The following IFT74 variants were observed in gnomAD, a reference collection of about 807,000 sequenced individuals.
IFT74 encodes intraflagellar transport protein 74 homolog.
In IFT74, 92 loss-of-function variants were observed where a neutral mutation model predicts 96.7. The ratio of observed to expected loss-of-function variants is 0.95; its 90% CI spans 0.80 to 1.13. The LOEUF is 1.13. IFT74 is among the 50% of genes most tolerant of loss of function. The pLI, the probability that IFT74 is intolerant of heterozygous loss-of-function variation, is 0.00. For missense variants in IFT74, 811 were observed against 698.2 expected (o/e 1.16, Z -1.82); for synonymous variants, 223 against 213.2 (o/e 1.05, Z -0.40).
At chr9:26,989,861 C>T (rs1245319198) in intron 7 of IFT74, among the ~76,000 whole-genome samples, 1 of 152,068 alleles carries the variant, frequency 6.6e-6, no homozygotes, top group Admixed American at 6.5e-5. Context: ...ATGCTGTTTA[C>T]ATAAATTGAA....
chr9:26,990,816 G>A (rs537476090), intron 8 of IFT74, among the ~76,000 whole-genome samples: 9 of 152,178 alleles, frequency 5.9e-5, no homozygotes, highest in East Asian at 1.9e-4. Flanking sequence ...GTATGCACAG[G>A]TTGAGTTAAC....
chr9:26,978,659 C>T (rs1563946292), intron 3 of IFT74, among the ~76,000 whole-genome samples: 1 of 151,992 alleles, frequency 6.6e-6, no homozygotes. Flanking sequence ...ATTTTTGGTA[C>T]TATATAGAAA....
intron 13 of IFT74, 87 bp downstream of exon 13, chr9:27,029,191 A>T: frequency 1.1e-6 from 1 of 912,454 alleles, no homozygotes; most frequent in Non-Finnish European, 1.6e-6. Context: ...AGACTGTTCA[A>T]CTACCTGGGA....
chr9:26,984,209 T>A, intron 4 of IFT74, 48 bp from the exon 5 acceptor site: 1 of 1,457,216 alleles, frequency 6.9e-7, no homozygotes, highest in Non-Finnish European at 9.3e-7. Flanking sequence ...TTAACTAGAG[T>A]TTTCTGGATT....
At chr9:26,970,293 A>T (rs536598343) in intron 2 of IFT74, among the ~76,000 whole-genome samples, 1 of 152,270 alleles carries the variant, frequency 6.6e-6, no homozygotes, top group African/African-American at 2.4e-5. Flanking sequence ...GTTCCTTCCT[A>T]TTGTAGGTAT....
At chr9:27,039,766 A>G (rs1819382521) in intron 13 of IFT74, among the ~76,000 whole-genome samples, 1 of 152,164 alleles carries the variant, frequency 6.6e-6, no homozygotes, top group South Asian at 2.1e-4. Context: ...ATACTGTGCC[A>G]TTTTATGTAA....
At chr9:26,967,232 A>G (rs1008010465) in intron 2 of IFT74, among the ~76,000 whole-genome samples, 3 of 152,076 alleles carry the variant, frequency 2.0e-5, no homozygotes, top group African/African-American at 7.2e-5. Flanking sequence ...ATCCATGAAC[A>G]TGGAATATCT....
chr9:27,035,407 T>G (rs943678948), intron 13 of IFT74, among the ~76,000 whole-genome samples: 4 of 152,242 alleles, frequency 2.6e-5, no homozygotes, highest in Admixed American at 6.5e-5. Context: ...AATCTAGAAA[T>G]TGTTTAAACT....
intron 10 of IFT74, among the ~76,000 whole-genome samples, chr9:27,013,819 G>A (rs2131611818): frequency 6.6e-6 from 1 of 152,276 alleles, no homozygotes; most frequent in Admixed American, 6.5e-5. Context: ...AGGAACTGTT[G>A]TAGACTGATA....
At chr9:26,961,831 C>T in intron 1 of IFT74, 118 bp from the exon 2 acceptor site, 2 of 1,023,880 alleles carry the variant, frequency 2.0e-6, no homozygotes, top group Non-Finnish European at 2.9e-6. Flanking sequence ...TGTAGTGGTA[C>T]ACAGAACGGC....
intron 8 of IFT74, chr9:26,994,190 C>G (rs1828022148): frequency 6.6e-6 from 1 of 152,132 alleles, no homozygotes; most frequent in Admixed American, 6.6e-5. Flanking sequence ...TAATACTTTG[C>G]TCTTGAATAA....
At chr9:26,989,649 C>T (rs900726669) in intron 7 of IFT74, among the ~76,000 whole-genome samples, 16 of 151,928 alleles carry the variant, frequency 1.1e-4, no homozygotes, top group African/African-American at 3.6e-4. Context: ...ATTTCAATGC[C>T]AGATATAAAA....
At chr9:26,947,799 G>C (rs887838430) in intron 1 of IFT74, among the ~76,000 whole-genome samples, 5 of 152,132 alleles carry the variant, frequency 3.3e-5, no homozygotes, top group African/African-American at 4.8e-5. Flanking sequence ...GGTGGTCCAA[G>C]TCAATTTTTT....
Position 26,991,796 on chromosome 9 carries a change from C to T in IFT74, c.587+1601C>T, listed in dbSNP as rs565874157. On this transcript the variant is annotated intron_variant, in intron 8 of 19. Coordinates refer to ENST00000380062, the MANE Select transcript of IFT74 (RefSeq NM_025103.4). ...ATGTAATCCCAGCACTTTGGGAGGC[C>T]GAGGCGGGTGGATCATGAGGTCAGG... is the stretch of plus-strand genomic sequence containing the variant. Among the ~76,000 whole-genome samples the T allele has an allele frequency of 5.3e-4, 80 of 151,998 alleles. 1 individual carries two copies. Among genetic ancestry groups the T allele is most frequent in the African/African-American group, 1.7e-3 (70 of 41,454 alleles).
chr9:27,010,485 G>GTTTTTTTTTTTT (rs375246441), intron 9 of IFT74, among the ~76,000 whole-genome samples: 2 of 128,118 alleles, frequency 1.6e-5, no homozygotes, highest in Non-Finnish European at 1.6e-5. Context: ...CCTTTTTTTT[G>GTTTTTTTTTTTT]TTTTTTTTTT....
At chr9:26,956,827 G>A (rs1211672869) in intron 1 of IFT74, among the ~76,000 whole-genome samples, 1 of 152,220 alleles carries the variant, frequency 6.6e-6, no homozygotes, top group Admixed American at 6.5e-5. Flanking sequence ...ACAGTGGAAG[G>A]GACTTATTTC....
At chr9:26,995,819 A>G in intron 8 of IFT74, 1 of 1,605,680 alleles carries the variant, frequency 6.2e-7, no homozygotes, top group Non-Finnish European at 8.5e-7. Flanking sequence ...ACCAACAAGA[A>G]AAGCCCAACT....
intron 1 of IFT74, 125 bp downstream of exon 1, chr9:26,956,641 G>A (rs920044204): frequency 6.6e-6 from 1 of 152,350 alleles, no homozygotes; most frequent in African/African-American, 2.4e-5. Flanking sequence ...TTACCGTCGG[G>A]CCTGTAGCCA....
At chr9:27,002,571 G>T (rs1309543800) in intron 8 of IFT74, among the ~76,000 whole-genome samples, 4 of 152,096 alleles carry the variant, frequency 2.6e-5, no homozygotes, top group Non-Finnish European at 5.9e-5. Flanking sequence ...TTATGTTCTT[G>T]GCACCTTTGT....
Sources: allele counts gnomAD v4.1 joint callset (sites outside exome capture counted in the v4.1 genomes callset), GRCh38; gene constraint gnomAD v4.1.1; transcripts MANE v1.5; gene names NCBI Gene and HGNC (gene_info 2026-07-23, HGNC 2026-07-21).